Variants in ATRNL1 observed in about 807,000 individuals in gnomAD.
The protein encoded by ATRNL1 is attractin-like protein 1.
A neutral mutation model predicts 182.7 loss-of-function variants in ATRNL1; 95 were observed. The ratio of observed to expected loss-of-function variants is 0.52; its 90% CI spans 0.44 to 0.62. ATRNL1 has a LOEUF of 0.62. Among genes scored for constraint, ATRNL1 ranks in the 20% least tolerant of loss-of-function variants. ATRNL1 has a pLI of 0.00. For synonymous variants in ATRNL1, 576 were observed against 568.3 expected (o/e 1.01, Z -0.19); for missense variants, 1,471 against 1,679.5 (o/e 0.88, Z 2.17).
chr10:115,167,925 C>T (rs927848114), intron 7 of ATRNL1, among the ~76,000 whole-genome samples: 4 of 152,070 alleles, frequency 2.6e-5, no homozygotes, highest in African/African-American at 9.7e-5. Flanking sequence ...GTTGTGTAAT[C>T]ACTTTTAGAA....
intron 28 of ATRNL1, among the ~76,000 whole-genome samples, chr10:115,884,315 G>A (rs191768068): frequency 7.2e-5 from 11 of 152,158 alleles, no homozygotes; most frequent in Non-Finnish European, 1.6e-4. Context: ...TTTGAATTTA[G>A]GGTGGTTTTA....
At chr10:115,620,882 T>C (rs1465049489) in intron 26 of ATRNL1, among the ~76,000 whole-genome samples, 6 of 152,192 alleles carry the variant, frequency 3.9e-5, no homozygotes, top group Admixed American at 3.3e-4. Flanking sequence ...TGTAATCTTA[T>C]CATGGCTGTA....
At chr10:115,933,993 C>T (rs1286475664) in intron 28 of ATRNL1, among the ~76,000 whole-genome samples, 1 of 152,110 alleles carries the variant, frequency 6.6e-6, no homozygotes, top group African/African-American at 2.4e-5. Context: ...AGAGGTGTTG[C>T]CCGGCAGCTG....
chr10:115,634,123 C>T (rs1472344684), intron 26 of ATRNL1, among the ~76,000 whole-genome samples: 5 of 152,082 alleles, frequency 3.3e-5, no homozygotes, highest in African/African-American at 9.6e-5. Context: ...TTAAAATTAG[C>T]GTCTGTGGAA....
intron 20 of ATRNL1, among the ~76,000 whole-genome samples, chr10:115,425,308 A>G (rs1845834247): frequency 7.0e-6 from 1 of 143,180 alleles, no homozygotes; most frequent in Non-Finnish European, 1.5e-5. Context: ...TATATGTAAT[A>G]TATTTATATA....
chr10:115,878,240 C>G (rs969528852), intron 28 of ATRNL1, among the ~76,000 whole-genome samples: 6 of 152,254 alleles, frequency 3.9e-5, no homozygotes, highest in African/African-American at 1.4e-4. Context: ...TGGCCACACA[C>G]ATGCAAGAAA....
chr10:115,898,747 C>A (rs570883566), intron 28 of ATRNL1, among the ~76,000 whole-genome samples: 1 of 152,242 alleles, frequency 6.6e-6, no homozygotes, highest in East Asian at 1.9e-4. Flanking sequence ...TGACGAACCC[C>A]TGATATGTTG....
chr10:115,281,522 G>A, intron 14 of ATRNL1, 35 bp downstream of exon 14: 1 of 1,598,928 alleles, frequency 6.3e-7, no homozygotes, highest in South Asian at 1.1e-5. Flanking sequence ...TGAGTTTATG[G>A]TCTACAGATA....
At chr10:115,530,319 G>A (rs1390591509) in intron 25 of ATRNL1, among the ~76,000 whole-genome samples, 2 of 152,100 alleles carry the variant, frequency 1.3e-5, no homozygotes, top group African/African-American at 4.8e-5. Context: ...TAAAGAAGAT[G>A]TATCATTTTA....
intron 28 of ATRNL1, among the ~76,000 whole-genome samples, chr10:115,932,499 A>G (rs1555121869): frequency 6.6e-6 from 1 of 152,204 alleles, no homozygotes; most frequent in African/African-American, 2.4e-5. Context: ...ATATTAATAG[A>G]AAAAAATCAT....
intron 18 of ATRNL1, among the ~76,000 whole-genome samples, chr10:115,331,387 T>C (rs2134065309): frequency 6.6e-6 from 1 of 152,310 alleles, no homozygotes; most frequent in South Asian, 2.1e-4. Context: ...TCATTTATTA[T>C]TCTTTTTAGC....
At chr10:115,780,718 T>C (rs1383933015) in intron 27 of ATRNL1, among the ~76,000 whole-genome samples, 1 of 152,156 alleles carries the variant, frequency 6.6e-6, no homozygotes, top group East Asian at 1.9e-4. Flanking sequence ...CAGAAGGGAA[T>C]CTGCTGGCCT....
chr10:115,609,421 T>C (rs925878347), intron 26 of ATRNL1, among the ~76,000 whole-genome samples: 2 of 152,142 alleles, frequency 1.3e-5, no homozygotes, highest in South Asian at 4.1e-4. Flanking sequence ...TGAAGTAATA[T>C]AGGCCATTAT....
At chr10:115,643,438 G>C (rs1035542519) in intron 26 of ATRNL1, among the ~76,000 whole-genome samples, 3 of 152,054 alleles carry the variant, frequency 2.0e-5, no homozygotes, top group African/African-American at 7.2e-5. Flanking sequence ...TTCTAGGTAT[G>C]ATATCAAAAC....
chr10:115,674,435 A>G (rs1945797028), intron 26 of ATRNL1, among the ~76,000 whole-genome samples: 1 of 152,070 alleles, frequency 6.6e-6, no homozygotes, highest in South Asian at 2.1e-4. Context: ...TTATTTTACT[A>G]CCTGGCCTAT....
At chr10:115,770,145 T>TA (rs1374896287) in intron 27 of ATRNL1, among the ~76,000 whole-genome samples, 1 of 151,716 alleles carries the variant, frequency 6.6e-6, no homozygotes, top group Non-Finnish European at 1.5e-5. Flanking sequence ...GTTTTTTTTT[T>TA]AAAACTAAAA....
At chr10:115,729,495 T>TTGTGTG (rs139166434) in intron 27 of ATRNL1, among the ~76,000 whole-genome samples, 5,320 of 142,070 alleles carry the variant, frequency 0.037, 128 homozygotes, top group Non-Finnish European at 0.044. Flanking sequence ...CTACCCCATT[T>TTGTGTG]TGTGTGTGTG....
intron 28 of ATRNL1, among the ~76,000 whole-genome samples, chr10:115,896,562 G>C (rs1257676510): frequency 6.6e-6 from 1 of 152,140 alleles, no homozygotes; most frequent in Non-Finnish European, 1.5e-5. Flanking sequence ...AAGTCTAATG[G>C]AGTGTGAATA....
chr10:115,435,473 C>A (rs1294485594), intron 21 of ATRNL1, among the ~76,000 whole-genome samples: 1 of 152,148 alleles, frequency 6.6e-6, no homozygotes, highest in Non-Finnish European at 1.5e-5. Context: ...TACTTTCCAG[C>A]CTTCAGAACT....
Sources: allele counts gnomAD v4.1 joint callset (sites outside exome capture counted in the v4.1 genomes callset), GRCh38; gene constraint gnomAD v4.1.1; transcripts MANE v1.5; gene names NCBI Gene and HGNC (gene_info 2026-07-23, HGNC 2026-07-21).